Variants in PLXNB2 observed in about 807,000 individuals in gnomAD.
PLXNB2 encodes plexin B2.
A neutral mutation model predicts 202.6 loss-of-function variants in PLXNB2; 85 were observed. That is an observed-to-expected ratio of 0.42 (90% CI 0.35 to 0.50). The LOEUF is 0.50. PLXNB2 is among the 20% of genes least tolerant of loss of function. The probability of loss-of-function intolerance (pLI) is 0.02; values close to 1 mark genes in which losing one functional copy is unlikely to be tolerated. For missense variants in PLXNB2, 2,063 were observed against 2,586.2 expected (o/e 0.80, Z 4.39); for synonymous variants, 1,239 against 1,137.6 (o/e 1.09, Z -1.79).
chr22:50,280,714 G>GGCCGCCC, intron 24 of PLXNB2, 30 bp downstream of exon 24: 1 of 1,528,938 alleles, frequency 6.5e-7, no homozygotes, highest in Non-Finnish European at 8.9e-7. Context: ...CCACCTGTGT[G>GGCCGCCC]CCCTCCCGCC....
Position 50,288,785 on chromosome 22 carries a change from C to CAGT in PLXNB2, c.1335_1337dup (p.Leu446dup). On this transcript the variant is annotated inframe_insertion, in exon 5 of 37. Transcript: ENST00000359337. The surrounding 1 kb of genome is among the most constrained non-coding windows in gnomAD (Gnocchi z 5.0). ...CGTACAGGCTGCCCAGGTCTCCAGA[C>CAGT]AGTACCAGGTCGCGCTTGACTCTCT... 6.2e-7 allele frequency: 1 copy of CAGT among 1,613,140 alleles called. No homozygotes were observed. The highest frequency in any genetic ancestry group is 1.3e-5 in the African/African-American group (1 of 75,044).
rs146267024 is a variant in PLXNB2 at position 50,284,510 on chromosome 22, AC to A, written c.2181+62del. 7.4e-6 allele frequency: 9 copies of A among 1,209,576 alleles called. No homozygotes were observed. Among genetic ancestry groups the A allele is most frequent in the Middle Eastern group, 1.9e-4 (1 of 5,248 alleles). The allele number at this position is 1,209,576 out of a possible 1,614,324, so 74.9% of individuals were successfully genotyped here. On this transcript the variant is annotated intron_variant, in intron 12 of 36. Coordinates refer to ENST00000359337, the MANE Select transcript of PLXNB2 (RefSeq NM_012401.4). This position sits in a 1 kb window ranked among gnomAD's most constrained non-coding sequence, Gnocchi z 8.0. ...CCCTCCCCTCACAGTCCTGAAGGTGACCCCCCACCCCACCCGGGGCCCTGGG... is the reference window on the plus strand; with the variant it reads ...CCCTCCCCTCACAGTCCTGAAGGTGACCCCCACCCCACCCGGGGCCCTGGG...
chr22:50,292,329 C>A (rs1214272321), intron 2 of PLXNB2, among the ~76,000 whole-genome samples: 3 of 123,148 alleles, frequency 2.4e-5, no homozygotes, highest in African/African-American at 6.5e-5. Flanking sequence ...CAGAGCGAGA[C>A]TCTGTCTCAA....
chr22:50,307,445 G>C (rs2067930550), intron 1 of PLXNB2, 108 bp downstream of exon 1: 1 of 579,302 alleles, frequency 1.7e-6, no homozygotes, highest in African/African-American at 2.0e-5. Context: ...AGCCGCCGCA[G>C]GTCCCCGGGC....
rs1002868737 is a variant in PLXNB2 at position 50,298,552 on chromosome 22, C to T, written c.-73-3774G>A. 6.6e-5 allele frequency among the ~76,000 whole-genome samples: 10 copies of T among 152,340 alleles called. No individual in the cohort carries two copies. In the East Asian group the frequency reaches 9.6e-4, roughly 15 times the overall value. On this transcript the variant is annotated intron_variant, in intron 1 of 36. Coordinates refer to ENST00000359337, the MANE Select transcript of PLXNB2 (RefSeq NM_012401.4). The stretch of plus-strand genomic sequence containing the variant: ...CTCCTGCCAGCCTTGGTTCTGAGAC[C>T]GCCCCAAGTCTTGGCTGCACTGCGG...
In PLXNB2 at chr22:50,285,868, G is replaced by A; in HGVS notation, c.2020C>T (p.Pro674Ser). 1 of 1,612,852 alleles carries A rather than the reference G, an allele frequency of 6.2e-7. No homozygotes were observed. Among genetic ancestry groups the A allele is most frequent in the Non-Finnish European group, 8.5e-7 (1 of 1,179,796 alleles). The change falls in exon 11 of 37, where the codon CCC becomes TCC. Residue 674 changes from proline to serine, a missense_variant. By Grantham distance (74) the Pro-to-Ser change is moderately conservative. Coordinates refer to ENST00000359337, the MANE Select transcript of PLXNB2 (RefSeq NM_012401.4). ...TCGTGGTTCATGGGGATCACCAGGG[G>A]GCTGGGTCCCAGGAACTGGGGACAG... ...DSCPQFLGPS[P>S]LVIPMNHETD... is the part of the protein sequence containing the mutation.
At chr22:50,293,478 C>T (rs1417552305) in intron 2 of PLXNB2, among the ~76,000 whole-genome samples, 2 of 152,202 alleles carry the variant, frequency 1.3e-5, no homozygotes, top group African/African-American at 4.8e-5. Context: ...CGGCCCTGCG[C>T]CCAGGCCTGC....
At position 50,281,369 on chromosome 22, in the gene PLXNB2, T is replaced by G. The variant is rs371130944; in HGVS notation, c.3653A>C (p.Tyr1218Ser). 49 of 1,612,006 alleles carry G rather than the reference T, an allele frequency of 3.0e-5. No individual in the cohort carries two copies. In the African/African-American group the frequency reaches 4.5e-4, roughly 15 times the overall value. The change falls in exon 22 of 37, where the codon TAC becomes TCC. Residue 1218 changes from tyrosine (Y) to serine (S), a missense_variant. Tyr to Ser is a moderately radical substitution (Grantham distance 144). Coordinates refer to ENST00000359337, the MANE Select transcript of PLXNB2 (RefSeq NM_012401.4). ...CGGGGGGCGGGCTCACCAGTAGCAG[T>G]AGACAGACACCGCGATGACGACCAC... ...PMVVVIAVSV[Y>S]CYWRKSQQAE...
chr22:50,289,510 C>T lies in PLXNB2; in HGVS notation c.1068+7G>A, dbSNP rs780506175. 3 of 1,602,834 alleles carry T rather than the reference C, an allele frequency of 1.9e-6. No individual in the cohort carries two copies. Among genetic ancestry groups the T allele is most frequent in the Non-Finnish European group, 2.6e-6 (3 of 1,174,820 alleles). ...CGGGCCCTGCGAGAACACACTGAGGCCCATACCGGCGCGTGGCCGCCGCAC... is the reference window on the plus strand; with the variant it reads ...CGGGCCCTGCGAGAACACACTGAGGTCCATACCGGCGCGTGGCCGCCGCAC... On this transcript the variant is annotated splice_region_variant and intron_variant, in intron 3 of 36. Coordinates refer to ENST00000359337, the MANE Select transcript of PLXNB2 (RefSeq NM_012401.4). This position sits in a 1 kb window ranked among gnomAD's most constrained non-coding sequence, Gnocchi z 8.0.
At chr22:50,298,319 G>A (rs2067423298) in intron 1 of PLXNB2, among the ~76,000 whole-genome samples, 1 of 152,118 alleles carries the variant, frequency 6.6e-6, no homozygotes, top group South Asian at 2.1e-4. Flanking sequence ...GGAGGCAGCA[G>A]GAGCTGCTTG....
At position 50,307,579 on chromosome 22, in the gene PLXNB2, GGCGCCCGGGCCGCGCTCGGCGCT is replaced by G; in HGVS notation, c.-123_-101del. On this transcript the variant is annotated 5_prime_UTR_variant, in exon 1 of 37. An upstream open reading frame in the 5' UTR loses its in-frame stop. Coordinates refer to ENST00000359337, the MANE Select transcript of PLXNB2 (RefSeq NM_012401.4). Reference sequence around the variant, plus strand: ...TGCACGTCCGCCGCCAAGGCTCGATGGCGCCCGGGCCGCGCTCGGCGCTGCGCTCTGGCCCGCGCTGCTGCCAT... The same window carrying G: ...TGCACGTCCGCCGCCAAGGCTCGATGGCGCTCTGGCCCGCGCTGCTGCCAT... 2.0e-6 allele frequency: 2 copies of G among 982,238 alleles called. No homozygotes were observed. Among genetic ancestry groups the G allele is most frequent in the East Asian group, 1.2e-4 (1 of 8,568 alleles). The allele number at this position is 982,238 out of a possible 1,614,324, so 60.8% of individuals were successfully genotyped here.
intron 35 of PLXNB2, 28 bp downstream of exon 35, chr22:50,276,601 G>A (rs766020829): frequency 1.6e-5 from 25 of 1,588,190 alleles, no homozygotes; most frequent in African/African-American, 4.0e-5. Context: ...GGGGAGGGCT[G>A]TGGGTGCGTC....
At position 50,283,592 on chromosome 22, in the gene PLXNB2, G is replaced by A. The variant is rs200671403; in HGVS notation, c.2570+10C>T. ...AGCTGACAGGGCCCAGACCAGGGCC[G>A]TCCACTCACCGGGTGGACACGGAGT... On this transcript the variant is annotated intron_variant, in intron 15 of 36. Coordinates refer to ENST00000359337, the MANE Select transcript of PLXNB2 (RefSeq NM_012401.4). 47 of 1,481,174 alleles carry A rather than the reference G, an allele frequency of 3.2e-5. 1 individual carries two copies. In the Admixed American group the frequency reaches 5.0e-4, roughly 16 times the overall value. The allele number at this position is 1,481,174 out of a possible 1,614,324, so 91.8% of individuals were successfully genotyped here. A position where few individuals can be genotyped will look rare whatever the true frequency, so the allele number is the denominator to read the frequency against.
intron 1 of PLXNB2, among the ~76,000 whole-genome samples, chr22:50,302,999 G>A (rs1157417163): frequency 1.3e-5 from 2 of 152,052 alleles, no homozygotes; most frequent in East Asian, 3.9e-4. Flanking sequence ...CTCCATGGCT[G>A]GGTCCCTGAA....
chr22:50,302,312 G>A (rs1227027274), intron 1 of PLXNB2, among the ~76,000 whole-genome samples: 3 of 151,186 alleles, frequency 2.0e-5, no homozygotes, highest in Non-Finnish European at 4.4e-5. Context: ...ATTTCCCAGT[G>A]AGGAAATGCC....
chr22:50,307,597 GGCGCTGCGCTCTGGCCC>G lies in PLXNB2; in HGVS notation c.-135_-119del, dbSNP rs2067939549. The G allele has an allele frequency of 1.0e-6, 1 of 982,252 alleles. No individual in the cohort carries two copies. The highest frequency in any genetic ancestry group is 1.2e-4 in the East Asian group (1 of 8,596). 60.8% of individuals were successfully genotyped at this position (982,252 alleles called of 1,614,324 possible). On this transcript the variant is annotated 5_prime_UTR_variant, in exon 1 of 37. The change abolishes the stop of an existing upstream ORF in the 5' untranslated region. Coordinates refer to ENST00000359337, the MANE Select transcript of PLXNB2 (RefSeq NM_012401.4). ...GCTCGATGGCGCCCGGGCCGCGCTCGGCGCTGCGCTCTGGCCCGCGCTGCTGCCATGGAGACGGGGCC... is the reference window on the plus strand; with the variant it reads ...GCTCGATGGCGCCCGGGCCGCGCTCGGCGCTGCTGCCATGGAGACGGGGCC...
chr22:50,307,268 A>G (rs898897857), intron 1 of PLXNB2, among the ~76,000 whole-genome samples: 1 of 151,946 alleles, frequency 6.6e-6, no homozygotes, highest in African/African-American at 2.4e-5. Flanking sequence ...AGTGAGAGGC[A>G]GGCGCGGAGG....
intron 17 of PLXNB2, 77 bp downstream of exon 17, chr22:50,282,973 C>A: frequency 6.4e-7 from 1 of 1,566,988 alleles, no homozygotes; most frequent in Non-Finnish European, 8.7e-7. Flanking sequence ...CTCAGGGCCA[C>A]TCAGGTCTCA....
intron 35 of PLXNB2, 94 bp downstream of exon 35, chr22:50,276,535 C>G (rs76914436): frequency 0.031 from 34,369 of 1,111,578 alleles, 688 homozygotes; most frequent in East Asian, 0.078. Flanking sequence ...CCCCTCAGCA[C>G]CACATTACCC....
Sources: gnomAD v4.1 joint callset for allele counts (sites outside exome capture counted in the v4.1 genomes callset) on GRCh38, gnomAD v4.1.1 for gene constraint, Gnocchi (gnomAD v3.1) non-coding constraint, MANE v1.5 for transcripts, NCBI Gene and HGNC (gene_info 2026-07-23, HGNC 2026-07-21) for gene names.